Variants in ARAP2 observed in about 807,000 individuals in gnomAD.
ARAP2 encodes the protein ArfGAP with RhoGAP domain, ankyrin repeat and PH domain 2.
In ARAP2, 148 loss-of-function variants were observed where a neutral mutation model predicts 194.5. The observed-to-expected ratio is 0.76, with a 90% CI of 0.67 to 0.87. The LOEUF (loss-of-function observed/expected upper bound fraction) is 0.87. Ranked by LOEUF, ARAP2 falls within the 40% of genes least tolerant of loss-of-function variation. The pLI is 0.00. For synonymous variants in ARAP2, 695 were observed against 683.5 expected (o/e 1.02, Z -0.26); for missense variants, 2,128 against 1,989.7 (o/e 1.07, Z -1.32).
intron 1 of ARAP2, among the ~76,000 whole-genome samples, chr4:36,060,555 G>A (rs956824193): frequency 2.6e-5 from 4 of 152,106 alleles, no homozygotes; most frequent in African/African-American, 9.7e-5. Flanking sequence ...AGGGTATTCT[G>A]CTCATCATAT....
downstream of ARAP2, among the ~76,000 whole-genome samples, chr4:36,062,629 T>A (rs1006729372): frequency 2.1e-4 from 26 of 126,210 alleles, no homozygotes; most frequent in African/African-American, 6.6e-4. Flanking sequence ...GTAATTTGTG[T>A]GAGAGTGTGT....
intron 19 of ARAP2, among the ~76,000 whole-genome samples, chr4:36,145,482 T>C (rs1729417435): frequency 6.6e-6 from 1 of 151,820 alleles, no homozygotes; most frequent in Non-Finnish European, 1.5e-5. Context: ...AACAATGAGT[T>C]ACATGGAAAT....
chr4:36,138,521 C>T (rs2109649114), intron 19 of ARAP2, among the ~76,000 whole-genome samples: 1 of 151,650 alleles, frequency 6.6e-6, no homozygotes, highest in Admixed American at 6.6e-5. Flanking sequence ...TTTTAAGATT[C>T]ATTCATGTTG....
At chr4:36,129,712 C>A (rs572941697) in intron 20 of ARAP2, among the ~76,000 whole-genome samples, 1 of 151,928 alleles carries the variant, frequency 6.6e-6, no homozygotes, top group East Asian at 1.9e-4. Flanking sequence ...ATTCTCTTCT[C>A]TTCCTGCCCA....
intron 27 of ARAP2, among the ~76,000 whole-genome samples, chr4:36,104,024 T>C (rs1717718495): frequency 6.6e-6 from 1 of 151,942 alleles, no homozygotes; most frequent in Admixed American, 6.6e-5. Flanking sequence ...AAGCCATAGA[T>C]AGACAGACAG....
intron 5 of ARAP2, among the ~76,000 whole-genome samples, chr4:36,032,159 C>CA (rs1179361950): frequency 1.3e-5 from 2 of 152,082 alleles, no homozygotes; most frequent in Non-Finnish European, 2.9e-5. Flanking sequence ...GAAGAATACT[C>CA]ACTAATAGGA....
intron 1 of ARAP2, among the ~76,000 whole-genome samples, chr4:36,243,383 C>CAAAA (rs71201008): frequency 6.1e-4 from 52 of 85,016 alleles, no homozygotes; most frequent in East Asian, 2.5e-3. Flanking sequence ...GACAAGCTTG[C>CAAAA]AAAAAAAAAA....
At chr4:36,058,215 T>C (rs531791875) in intron 1 of ARAP2, 1 of 152,354 alleles carries the variant, frequency 6.6e-6, no homozygotes, top group South Asian at 2.1e-4. Flanking sequence ...TCCACCGCAC[T>C]ATTAGGGATT....
intron 27 of ARAP2, 46 bp from the exon 28 acceptor site, chr4:36,092,066 T>C: frequency 6.7e-7 from 1 of 1,484,762 alleles, no homozygotes; most frequent in Non-Finnish European, 9.0e-7. Flanking sequence ...CGTTTTTACT[T>C]ATTTGAAATA....
chr4:36,031,035 C>T (rs1313351792), intron 5 of ARAP2, among the ~76,000 whole-genome samples: 1 of 152,264 alleles, frequency 6.6e-6, no homozygotes, highest in East Asian at 1.9e-4. Context: ...GAGGCTGAGG[C>T]AGGAGAATCC....
At chr4:36,040,435 T>C (rs1720655095) in intron 5 of ARAP2, among the ~76,000 whole-genome samples, 1 of 152,308 alleles carries the variant, frequency 6.6e-6, no homozygotes, top group East Asian at 1.9e-4. Context: ...CTTTGCATGG[T>C]AGGGCCATTT....
chr4:36,026,248 C>A (rs558133268), intron 5 of ARAP2, among the ~76,000 whole-genome samples: 3 of 152,160 alleles, frequency 2.0e-5, no homozygotes, highest in Non-Finnish European at 4.4e-5. Context: ...CAATGCCTGG[C>A]GAATTCCTAA....
At chr4:36,190,818 C>T (rs1046647415) in intron 7 of ARAP2, among the ~76,000 whole-genome samples, 7 of 152,124 alleles carry the variant, frequency 4.6e-5, no homozygotes, top group Non-Finnish European at 1.0e-4. Flanking sequence ...AAGACATGCT[C>T]CAGTTTCCCA....
At chr4:36,073,063 T>C (rs1727410598) in intron 32 of ARAP2, among the ~76,000 whole-genome samples, 1 of 152,188 alleles carries the variant, frequency 6.6e-6, no homozygotes, top group Admixed American at 6.6e-5. Flanking sequence ...AAATATGTGT[T>C]GGTCCCAAAA....
intron 5 of ARAP2, among the ~76,000 whole-genome samples, chr4:36,031,552 A>G (rs1202809331): frequency 6.6e-6 from 1 of 152,234 alleles, no homozygotes; most frequent in Non-Finnish European, 1.5e-5. Flanking sequence ...TACCTATACC[A>G]TGCCTCTTAA....
At chr4:36,115,196 A>G (rs1025944543) in intron 25 of ARAP2, among the ~76,000 whole-genome samples, 1 of 152,076 alleles carries the variant, frequency 6.6e-6, no homozygotes, top group African/African-American at 2.4e-5. Context: ...GGTAACTCGC[A>G]AAGTCTACCT....
chr4:36,061,568 G>A (rs993583499), downstream of ARAP2, among the ~76,000 whole-genome samples: 8 of 152,142 alleles, frequency 5.3e-5, no homozygotes, highest in South Asian at 2.1e-4. Flanking sequence ...TTATCGATTC[G>A]TCTGTTGATG....
At chr4:36,108,970 C>T (rs903151882) in intron 26 of ARAP2, among the ~76,000 whole-genome samples, 2 of 151,842 alleles carry the variant, frequency 1.3e-5, no homozygotes, top group Non-Finnish European at 2.9e-5. Context: ...TTTTTGTTTT[C>T]GGTTAAAGTA....
chr4:36,019,955 T>C (rs1035349829), intron 5 of ARAP2, among the ~76,000 whole-genome samples: 1 of 152,176 alleles, frequency 6.6e-6, no homozygotes, highest in East Asian at 1.9e-4. Context: ...TACTATGTTT[T>C]TTTCCCTGTA....
Sources: allele counts gnomAD v4.1 joint callset (sites outside exome capture counted in the v4.1 genomes callset), GRCh38; gene constraint gnomAD v4.1.1; transcripts MANE v1.5; gene names NCBI Gene and HGNC (gene_info 2026-07-23, HGNC 2026-07-21).